SPIN1: variants seen among roughly 807,000 people sequenced by gnomAD.
SPIN1 encodes spindlin-1.
SPIN1 carries 3 observed loss-of-function variants against 26.0 expected under a neutral mutation model. The observed-to-expected ratio is 0.12, with a 90% CI of 0.05 to 0.30. The LOEUF (loss-of-function observed/expected upper bound fraction) is 0.30. Ranked by LOEUF, SPIN1 falls within the 10% of genes least tolerant of loss-of-function variation. SPIN1 has a pLI of 1.00. For synonymous variants in SPIN1, 101 were observed against 116.5 expected (o/e 0.87, Z 0.86); for missense variants, 126 against 333.4 (o/e 0.38, Z 4.84).
chr9:88,437,770 C>G (rs1451842323), intron 2 of SPIN1, among the ~76,000 whole-genome samples: 1 of 152,160 alleles, frequency 6.6e-6, no homozygotes, highest in Non-Finnish European at 1.5e-5. Context: ...GATTTCTGCT[C>G]TAATTTTTAA....
intron 3 of SPIN1, among the ~76,000 whole-genome samples, chr9:88,455,830 A>G (rs1828459225): frequency 6.6e-6 from 1 of 152,074 alleles, no homozygotes; most frequent in Non-Finnish European, 1.5e-5. Flanking sequence ...ATTAAACATT[A>G]GCTAGGCATG....
At chr9:88,413,323 G>T (rs1021347227) in intron 1 of SPIN1, among the ~76,000 whole-genome samples, 1 of 150,640 alleles carries the variant, frequency 6.6e-6, no homozygotes, top group African/African-American at 2.5e-5. Flanking sequence ...CTCCTAAAGT[G>T]TTGGCCTCCT....
chr9:88,397,615 C>G (rs1002888878), intron 1 of SPIN1, among the ~76,000 whole-genome samples: 3 of 151,246 alleles, frequency 2.0e-5, no homozygotes, highest in Non-Finnish European at 2.9e-5. Flanking sequence ...CAACAAGCAT[C>G]AGTTGTCTGA....
intron 2 of SPIN1, 76 bp downstream of exon 2, chr9:88,426,667 A>T: frequency 7.7e-7 from 1 of 1,304,470 alleles, no homozygotes; most frequent in Non-Finnish European, 1.1e-6. Context: ...AAAATTGGGT[A>T]CTTTCACATA....
intron 2 of SPIN1, among the ~76,000 whole-genome samples, chr9:88,440,609 C>T (rs536102489): frequency 1.3e-5 from 2 of 151,538 alleles, no homozygotes; most frequent in African/African-American, 4.8e-5. Context: ...GATGGAGTCT[C>T]GCTCTGTTGC....
At chr9:88,473,053 A>G (rs552258312) in intron 5 of SPIN1, among the ~76,000 whole-genome samples, 4 of 152,274 alleles carry the variant, frequency 2.6e-5, no homozygotes, top group African/African-American at 4.8e-5. Flanking sequence ...TTAACATACT[A>G]ATTTCCTCAT....
In SPIN1 at chr9:88,445,518, TTTATTATTATTATTATTATTA is replaced by T. The variant is rs138265190; in HGVS notation, c.53-3397_53-3377del. Among the ~76,000 whole-genome samples the T allele has an allele frequency of 5.6e-4, 75 of 134,610 alleles. 1 individual carries two copies. The highest frequency in any genetic ancestry group is 7.2e-4 in the Non-Finnish European group (46 of 63,716). The allele number at this position is 134,610 out of a possible 152,430, so 88.3% of individuals were successfully genotyped here. On this transcript the variant is annotated intron_variant, in intron 2 of 5. Coordinates refer to ENST00000375859, the MANE Select transcript of SPIN1 (RefSeq NM_006717.3). Reference sequence around the variant, plus strand: ...AGATTTTCTTAAATGTATTGAGACTTTTATTATTATTATTATTATTATTATTATTATTATTATTATTATTAT... The same window carrying T: ...AGATTTTCTTAAATGTATTGAGACTTTTATTATTATTATTATTATTATTAT...
At chr9:88,427,300 ATTTC>A (rs1328727511) in intron 2 of SPIN1, among the ~76,000 whole-genome samples, 3 of 152,130 alleles carry the variant, frequency 2.0e-5, no homozygotes, top group African/African-American at 7.2e-5. Flanking sequence ...ATTTAGAACA[ATTTC>A]TTCTATTTAT....
rs181248029 is a variant in SPIN1, at chr9:88,424,940, C to T, written c.-158-1442C>T. On this transcript the variant is annotated intron_variant, in intron 1 of 5. Coordinates refer to ENST00000375859, the MANE Select transcript of SPIN1 (RefSeq NM_006717.3). ...ATGAGTGCTGATGACGGAAGATTCA[C>T]AGGTAGAAAAGTAACAAAAAGGGAT... Among the ~76,000 whole-genome samples the T allele has an allele frequency of 2.0e-5, 3 of 152,252 alleles. No homozygotes were observed. In the East Asian group the frequency reaches 5.8e-4, roughly 29 times the overall value.
chr9:88,392,852 C>T (rs1343399093), intron 1 of SPIN1, among the ~76,000 whole-genome samples: 1 of 152,190 alleles, frequency 6.6e-6, no homozygotes, highest in East Asian at 1.9e-4. Flanking sequence ...AGTTTCTTTC[C>T]TATGGCTGAT....
At chr9:88,458,070 A>G in intron 3 of SPIN1, 1 of 833,780 alleles carries the variant, frequency 1.2e-6, no homozygotes, top group Non-Finnish European at 1.4e-6. Flanking sequence ...ACAGATTTTA[A>G]TAGAAAAATG....
intron 3 of SPIN1, among the ~76,000 whole-genome samples, chr9:88,455,333 G>A (rs1002748566): frequency 1.3e-5 from 2 of 152,174 alleles, no homozygotes; most frequent in African/African-American, 4.8e-5. Context: ...GCACATGCCT[G>A]TAATCCCAGC....
chr9:88,457,921 G>T (rs1828502717), intron 3 of SPIN1: 1 of 985,102 alleles, frequency 1.0e-6, no homozygotes. Context: ...ATACCAATTT[G>T]TAACAAAAGT....
chr9:88,402,748 T>C (rs1281553295), intron 1 of SPIN1, among the ~76,000 whole-genome samples: 3 of 152,222 alleles, frequency 2.0e-5, no homozygotes, highest in South Asian at 4.1e-4. Context: ...TTTGCTTTTG[T>C]AAATAGTGCT....
chr9:88,401,484 T>C (rs1266427606), intron 1 of SPIN1, among the ~76,000 whole-genome samples: 1 of 152,214 alleles, frequency 6.6e-6, no homozygotes, highest in Non-Finnish European at 1.5e-5. Context: ...TCAAGTTTCT[T>C]ATATAAAATG....
At chr9:88,467,112 A>G (rs1357130601) in intron 4 of SPIN1, among the ~76,000 whole-genome samples, 1 of 152,188 alleles carries the variant, frequency 6.6e-6, no homozygotes, top group Non-Finnish European at 1.5e-5. Flanking sequence ...GTTATCTAAA[A>G]TTGTGGACTG....
intron 1 of SPIN1, among the ~76,000 whole-genome samples, chr9:88,419,511 G>GA (rs1399317030): frequency 1.3e-5 from 2 of 151,598 alleles, no homozygotes; most frequent in East Asian, 1.9e-4. Context: ...TTGCTGAGAA[G>GA]AAAAAAAAGA....
chr9:88,389,021 G>A (rs1315799946), intron 1 of SPIN1, among the ~76,000 whole-genome samples: 1 of 151,596 alleles, frequency 6.6e-6, no homozygotes, highest in Non-Finnish European at 1.5e-5. Flanking sequence ...CGGGGGGAGG[G>A]GCGGGACCCC....
intron 5 of SPIN1, among the ~76,000 whole-genome samples, chr9:88,469,285 C>CGCT (rs1828732161): frequency 6.6e-6 from 1 of 152,174 alleles, no homozygotes; most frequent in East Asian, 1.9e-4. Context: ...CTCTCTTTGC[C>CGCT]GCTGCTCACC....
Sources: gnomAD v4.1 joint callset for allele counts (sites outside exome capture counted in the v4.1 genomes callset) on GRCh38, gnomAD v4.1.1 for gene constraint, MANE v1.5 for transcripts, NCBI Gene and HGNC (gene_info 2026-07-23, HGNC 2026-07-21) for gene names.